The following ATF7IP2 variants were observed in gnomAD, a reference collection of about 807,000 sequenced individuals.
ATF7IP2 encodes the protein activating transcription factor 7-interacting protein 2.
A neutral mutation model predicts 64.2 loss-of-function variants in ATF7IP2; 42 were observed. That is an observed-to-expected ratio of 0.65 (90% confidence interval 0.51 to 0.85). ATF7IP2 has a LOEUF of 0.85. Among genes scored for constraint, ATF7IP2 ranks in the 40% least tolerant of loss-of-function variants. The pLI is 0.00. For missense variants in ATF7IP2, 933 were observed against 784.2 expected, an observed-to-expected ratio of 1.19 and a Z score of -2.27; for synonymous variants, 308 against 272.8, an observed-to-expected ratio of 1.13 and a Z score of -1.27.
chr16:10,428,548 A>G (rs1410386225), intron 3 of ATF7IP2, among the ~76,000 whole-genome samples: 4 of 152,030 alleles, frequency 2.6e-5, no homozygotes, highest in Non-Finnish European at 4.4e-5. Flanking sequence ...TGGGGGATTT[A>G]TTTGTGTTTA....
At chr16:10,410,746 C>A (rs777393221) in intron 1 of ATF7IP2, among the ~76,000 whole-genome samples, 1 of 152,162 alleles carries the variant, frequency 6.6e-6, no homozygotes, top group African/African-American at 2.4e-5. Flanking sequence ...TCTTTAATTG[C>A]CATGTCAATC....
At chr16:10,397,664 C>G (rs2047445941) in intron 1 of ATF7IP2, among the ~76,000 whole-genome samples, 1 of 151,812 alleles carries the variant, frequency 6.6e-6, no homozygotes, top group African/African-American at 2.4e-5. Context: ...ATCGTTTGAG[C>G]TTAGGAGTTT....
intron 1 of ATF7IP2, among the ~76,000 whole-genome samples, chr16:10,393,445 C>T (rs558275605): frequency 6.6e-6 from 1 of 151,962 alleles, no homozygotes; most frequent in East Asian, 1.9e-4. Flanking sequence ...ACAGGTGGAC[C>T]CTGAATTGTG....
At chr16:10,466,423 C>T (rs755744395) in intron 9 of ATF7IP2, among the ~76,000 whole-genome samples, 3 of 152,028 alleles carry the variant, frequency 2.0e-5, no homozygotes, top group African/African-American at 4.8e-5. Context: ...ATAAGGTATG[C>T]GTATCTTGAG....
At chr16:10,464,987 C>T (rs1022748068) in intron 9 of ATF7IP2, among the ~76,000 whole-genome samples, 2 of 152,142 alleles carry the variant, frequency 1.3e-5, no homozygotes, top group Admixed American at 6.5e-5. Flanking sequence ...TGTGTTGCCA[C>T]GCCCAGCTAA....
chr16:10,428,552 G>A (rs1012445756), intron 3 of ATF7IP2, among the ~76,000 whole-genome samples: 3 of 152,158 alleles, frequency 2.0e-5, no homozygotes, highest in Admixed American at 1.3e-4. Context: ...GGATTTATTT[G>A]TGTTTAGTGG....
chr16:10,434,333 C>G (rs1272735882), intron 6 of ATF7IP2, among the ~76,000 whole-genome samples: 1 of 152,084 alleles, frequency 6.6e-6, no homozygotes, highest in South Asian at 2.1e-4. Flanking sequence ...CCATGTTTTC[C>G]TATTTCACTA....
At chr16:10,433,891 C>T (rs2048335535) in intron 6 of ATF7IP2, among the ~76,000 whole-genome samples, 1 of 152,026 alleles carries the variant, frequency 6.6e-6, no homozygotes, top group Admixed American at 6.6e-5. Flanking sequence ...AGGTAGAGTC[C>T]TGTTGCAAAA....
intron 3 of ATF7IP2, among the ~76,000 whole-genome samples, chr16:10,424,878 CT>C (rs895927568): frequency 2.0e-5 from 3 of 152,180 alleles, no homozygotes; most frequent in Non-Finnish European, 4.4e-5. Context: ...CTCTCATCCA[CT>C]GCTGGTGTGA....
intron 9 of ATF7IP2, among the ~76,000 whole-genome samples, chr16:10,464,697 A>T (rs1005286403): frequency 1.3e-5 from 2 of 152,206 alleles, no homozygotes; most frequent in African/African-American, 4.8e-5. Flanking sequence ...CTTGCATTGA[A>T]TTTCGTGTGA....
At chr16:10,478,711 A>G (rs1285932996) in intron 12 of ATF7IP2, among the ~76,000 whole-genome samples, 4 of 152,230 alleles carry the variant, frequency 2.6e-5, no homozygotes, top group African/African-American at 9.6e-5. Flanking sequence ...ATCAGAGTGA[A>G]CAGGCAACCT....
intron 5 of ATF7IP2, among the ~76,000 whole-genome samples, chr16:10,431,883 G>T (rs1256325910): frequency 1.0e-4 from 15 of 146,814 alleles, no homozygotes; most frequent in African/African-American, 3.3e-4. Flanking sequence ...GAGTGCAGTG[G>T]CGCGATCTTG....
intron 8 of ATF7IP2, chr16:10,447,721 T>C (rs1377705474): frequency 3.3e-5 from 5 of 152,240 alleles, no homozygotes; most frequent in Admixed American, 3.3e-4. Context: ...AGGAAGTTTA[T>C]TGTTTGTACC....
rs189329707 is a variant in ATF7IP2 at position 10,389,143 on chromosome 16, A to G, written c.-242+3021A>G. Among the ~76,000 whole-genome samples the G allele has an allele frequency of 2.9e-3, 443 of 152,260 alleles. 1 individual carries two copies. Among genetic ancestry groups the G allele is most frequent in the South Asian group, 5.8e-3 (28 of 4,824 alleles). ...ACTAGGAGGGAAGGTTGATAATATG[A>G]CAGTTCTGGTCAATTTGGAAAGTGA... On this transcript the variant is annotated intron_variant, in intron 1 of 13. Coordinates refer to ENST00000562102, the MANE Select transcript of ATF7IP2 (RefSeq NM_001393719.1).
intron 9 of ATF7IP2, 21 bp downstream of exon 9, chr16:10,457,550 G>T (rs1473688064): frequency 2.0e-6 from 3 of 1,505,806 alleles, no homozygotes; most frequent in Admixed American, 2.4e-5. Context: ...CTGCAAAAAT[G>T]CATAAATTTA....
Position 10,433,631 on chromosome 16 carries a change from A to G in ATF7IP2, c.942A>G (p.Gln314=), listed in dbSNP as rs186293150. Residue 314 remains glutamine, a synonymous_variant, in exon 6 of 14, where the codon CAA becomes CAG. Transcript: ENST00000562102. ...ATATTTGTGTAAGTTTGGAAAGGCA[A>G]ACAGCATTCCTGGAACAGGTAAAAT... ...NENICVSLER[Q]TAFLEQVRHL... 10 of 1,613,878 alleles carry G rather than the reference A, an allele frequency of 6.2e-6. No homozygotes were observed. The Admixed American group carries it at 6.7e-5, about 11-fold the overall frequency.
At chr16:10,394,083 A>G (rs967727127) in intron 1 of ATF7IP2, among the ~76,000 whole-genome samples, 6 of 152,222 alleles carry the variant, frequency 3.9e-5, no homozygotes. Context: ...AAACAATCCC[A>G]TGAAATGGCA....
Position 10,482,327 on chromosome 16 carries a change from T to C in ATF7IP2, c.*78T>C. Reference sequence around the variant, plus strand: ...ATGTTACTGTAATACTATTTGCCATTGTAAAAGGCCAGCTCAGATTGTGAG... The same window carrying C: ...ATGTTACTGTAATACTATTTGCCATCGTAAAAGGCCAGCTCAGATTGTGAG... On this transcript the variant is annotated 3_prime_UTR_variant, in exon 14 of 14. Coordinates refer to ENST00000562102, the MANE Select transcript of ATF7IP2 (RefSeq NM_001393719.1). The C allele has an allele frequency of 6.2e-6, 7 of 1,135,630 alleles. No individual in the cohort carries two copies. Among genetic ancestry groups the C allele is most frequent in the Non-Finnish European group, 7.5e-6 (6 of 800,018 alleles). The allele number at this position is 1,135,630 out of a possible 1,614,324, so 70.3% of individuals were successfully genotyped here. A position where few individuals can be genotyped will look rare whatever the true frequency, so the allele number is the denominator to read the frequency against.
chr16:10,419,902 T>C (rs958358707), intron 3 of ATF7IP2, among the ~76,000 whole-genome samples: 2 of 152,272 alleles, frequency 1.3e-5, no homozygotes, highest in Non-Finnish European at 2.9e-5. Context: ...GTTCTGCTTC[T>C]GCCTTTGCAG....
Sources: gnomAD v4.1 joint callset for allele counts (sites outside exome capture counted in the v4.1 genomes callset) on GRCh38, gnomAD v4.1.1 for gene constraint, MANE v1.5 for transcripts, NCBI Gene and HGNC (gene_info 2026-07-23, HGNC 2026-07-21) for gene names.